Variants in PHOX2A observed in about 807,000 individuals in gnomAD.
PHOX2A encodes the protein paired mesoderm homeobox protein 2A.
In PHOX2A, 10 loss-of-function variants were observed where a neutral mutation model predicts 16.4. The ratio of observed to expected loss-of-function variants is 0.61; its 90% confidence interval spans 0.38 to 1.04. PHOX2A has a LOEUF of 1.04. Ranked by LOEUF, PHOX2A falls within the 50% of genes least tolerant of loss-of-function variation. PHOX2A has a pLI of 0.01. For missense variants in PHOX2A, 361 were observed against 419.4 expected, an observed-to-expected ratio of 0.86 and a Z score of 1.22; for synonymous variants, 219 against 203.8, an observed-to-expected ratio of 1.07 and a Z score of -0.64.
At position 72,244,033 on chromosome 11, in the gene PHOX2A, G is replaced by T. The variant is rs1406853947; in HGVS notation, c.-29C>A. On this transcript the variant is annotated 5_prime_UTR_variant, in exon 1 of 3. Transcript: ENST00000298231. ...CCCGGGGGGCGGGGGCGGGGGCCGG[G>T]CCAGGCCGGGTCGGGGTCGGGGTCC... is the stretch of plus-strand genomic sequence containing the variant. 4.8e-6 allele frequency: 5 copies of T among 1,047,956 alleles called. No homozygotes were observed. Among genetic ancestry groups the T allele is most frequent in the African/African-American group, 3.3e-5 (2 of 60,392 alleles). 64.9% of individuals were successfully genotyped at this position (1,047,956 alleles called of 1,614,324 possible).
Position 72,243,810 on chromosome 11 carries a change from G to A in PHOX2A, c.195C>T (p.His65=). ...SNCALGALRD[H]QPAPYSAVPY... ...CACCTGCCGAGTAGGGCGCGGGCTG[G>A]TGGTCGCGTAGGGCGCCAAGTGCGC... The change falls in exon 1 of 3, where the codon CAC becomes CAT. Residue 65 remains histidine (H), a synonymous_variant. Coordinates refer to ENST00000298231, the MANE Select transcript of PHOX2A (RefSeq NM_005169.4). The A allele has an allele frequency of 8.0e-7, 1 of 1,250,362 alleles. No individual in the cohort carries two copies. Among genetic ancestry groups the A allele is most frequent in the Non-Finnish European group, 1.0e-6 (1 of 996,176 alleles). The allele number at this position is 1,250,362 out of a possible 1,614,324, so 77.5% of individuals were successfully genotyped here.
chr11:72,241,426 CG>C, intron 1 of PHOX2A, 137 bp from the exon 2 acceptor site: 1 of 629,540 alleles, frequency 1.6e-6, no homozygotes, highest in South Asian at 2.0e-5. Flanking sequence ...GTCTTGGTCC[CG>C]GCAGCCTGGG....
rs758404989 is a variant in PHOX2A, at chr11:72,241,317, G to T, written c.218-28C>A. ...GCGGGTGTGTGCAGGGGGGCCGGGGGGGGGGCAAAAAGGATGGGGGAGTGA... is the reference window on the plus strand; with the variant it reads ...GCGGGTGTGTGCAGGGGGGCCGGGGTGGGGGCAAAAAGGATGGGGGAGTGA... On this transcript the variant is annotated intron_variant, in intron 1 of 2. Coordinates refer to ENST00000298231, the MANE Select transcript of PHOX2A (RefSeq NM_005169.4). 222 of 1,234,048 alleles carry T rather than the reference G, an allele frequency of 1.8e-4. 4 individuals carry two copies. The highest frequency in any genetic ancestry group is 2.4e-4 in the Non-Finnish European group (213 of 889,536). 76.4% of individuals were successfully genotyped at this position (1,234,048 alleles called of 1,614,324 possible).
At chr11:72,241,627 C>T (rs1473591248) in intron 1 of PHOX2A, among the ~76,000 whole-genome samples, 1 of 150,094 alleles carries the variant, frequency 6.7e-6, no homozygotes, top group Non-Finnish European at 1.5e-5. Flanking sequence ...CCCCCTGCAC[C>T]CCCATTCAAC....
chr11:72,243,892 AG>A lies in PHOX2A; in HGVS notation c.112del (p.Leu38CysfsTer168). On this transcript the variant is annotated frameshift_variant, in exon 1 of 3. Transcript: ENST00000298231. LOFTEE classifies it high-confidence loss of function. ...SQPGGFQYSPLRPAFPAAGPP... is the reference protein window; with the variant it reads ...SQPGGFQYSPXRPAFPAAGPP... ...CCCTGCCGCGGGGAAAGCGGGCCGC[AG>A]GGGGCTGTATTGGAAGCCGCCGGGC... 7.8e-7 allele frequency: 1 copy of A among 1,286,626 alleles called. No individual in the cohort carries two copies. The allele number at this position is 1,286,626 out of a possible 1,614,324, so 79.7% of individuals were successfully genotyped here. A position where few individuals can be genotyped will look rare whatever the true frequency, so the allele number is the denominator to read the frequency against.
chr11:72,242,040 C>G (rs1365719406), intron 1 of PHOX2A, among the ~76,000 whole-genome samples: 1 of 151,864 alleles, frequency 6.6e-6, no homozygotes, highest in African/African-American at 2.4e-5. Context: ...CTTCCTCCAT[C>G]TTCTCTTTGC....
At chr11:72,243,752 G>T in intron 1 of PHOX2A, 36 bp downstream of exon 1, 1 of 1,160,494 alleles carries the variant, frequency 8.6e-7, no homozygotes, top group Non-Finnish European at 1.1e-6. Context: ...GATTCTGCAG[G>T]AATTGGAGGG....
Position 72,241,097 on chromosome 11 carries a change from C to T in PHOX2A, c.405+5G>A. On this transcript the variant is annotated splice_donor_5th_base_variant and intron_variant, in intron 2 of 2. Coordinates refer to ENST00000298231, the MANE Select transcript of PHOX2A (RefSeq NM_005169.4). ...ACTCTCGTACACACACGTGCATACA[C>T]GCACCTGCACGCGAGCCTCAGTGAG... 6.2e-7 allele frequency: 1 copy of T among 1,613,534 alleles called. No individual in the cohort carries two copies. The highest frequency in any genetic ancestry group is 1.1e-5 in the South Asian group (1 of 91,060).
Position 72,240,008 on chromosome 11 carries a change from C to T in PHOX2A, c.596G>A (p.Gly199Asp), listed in dbSNP as rs1263202462. ...TASLPPPPAP[G>D]LASPRLSPSP... Reference sequence around the variant, plus strand: ...GGGGCTCAGGCGCGGGCTGGCCAGGCCGGGCGCAGGCGGCGGCGGCAGCGA... The same window carrying T: ...GGGGCTCAGGCGCGGGCTGGCCAGGTCGGGCGCAGGCGGCGGCGGCAGCGA... The change falls in exon 3 of 3, where the codon GGC (glycine) becomes GAC (aspartate). Residue 199 changes from glycine to aspartate, a missense_variant. Transcript: ENST00000298231. 1.4e-6 allele frequency: 2 copies of T among 1,424,294 alleles called. No homozygotes were observed. Among genetic ancestry groups the T allele is most frequent in the Admixed American group, 6.1e-5 (2 of 32,760 alleles). The allele number at this position is 1,424,294 out of a possible 1,614,324, so 88.2% of individuals were successfully genotyped here. A position where few individuals can be genotyped will look rare whatever the true frequency, so the allele number is the denominator to read the frequency against.
Position 72,244,091 on chromosome 11 carries a change from G to T in PHOX2A, c.-87C>A. ...GGTCGGAAGGGAGGTTCGAGCGCCAGGCTCCGAGGACCCGAGGCCAGCTCT... is the reference window on the plus strand; with the variant it reads ...GGTCGGAAGGGAGGTTCGAGCGCCATGCTCCGAGGACCCGAGGCCAGCTCT... On this transcript the variant is annotated 5_prime_UTR_variant, in exon 1 of 3. In the 5' UTR this introduces an upstream ATG that the reference lacks. Transcript: ENST00000298231. 2 of 610,986 alleles carry T rather than the reference G, an allele frequency of 3.3e-6. No individual in the cohort carries two copies. The highest frequency in any genetic ancestry group is 4.8e-6 in the Non-Finnish European group (2 of 419,440). The allele number at this position is 610,986 out of a possible 1,614,324, so 37.8% of individuals were successfully genotyped here.
In PHOX2A at chr11:72,239,655, T is replaced by A. The variant is rs1000090569; in HGVS notation, c.*94A>T. 8.8e-5 allele frequency: 88 copies of A among 1,005,516 alleles called. No homozygotes were observed. The Middle Eastern group carries it at 9.6e-4, about 11-fold the overall frequency. The allele number at this position is 1,005,516 out of a possible 1,614,324, so 62.3% of individuals were successfully genotyped here. A position where few individuals can be genotyped will look rare whatever the true frequency, so the allele number is the denominator to read the frequency against. Reference sequence around the variant, plus strand: ...GTAGGGAGTGGAGACGGATGGGGACTTCCAGGCGGGTGGCCAGGATGGGAG... The same window carrying A: ...GTAGGGAGTGGAGACGGATGGGGACATCCAGGCGGGTGGCCAGGATGGGAG... On this transcript the variant is annotated 3_prime_UTR_variant, in exon 3 of 3. Coordinates refer to ENST00000298231, the MANE Select transcript of PHOX2A (RefSeq NM_005169.4).
At position 72,242,391 on chromosome 11, in the gene PHOX2A, T is replaced by C. The variant is rs548040612; in HGVS notation, c.218-1102A>G. ...TTTGGTCCCCATCGCCTGATACTTA[T>C]CTCTATCTCCCCAACCCTGAGTCCC... On this transcript the variant is annotated intron_variant, in intron 1 of 2. Transcript: ENST00000298231. 7.9e-5 allele frequency among the ~76,000 whole-genome samples: 12 copies of C among 152,266 alleles called. No homozygotes were observed. In the East Asian group the frequency reaches 2.1e-3, roughly 27 times the overall value.
At chr11:72,241,322 G>GGGGGGGGC in intron 1 of PHOX2A, 33 bp from the exon 2 acceptor site, 3 of 626,600 alleles carry the variant, frequency 4.8e-6, no homozygotes, top group Non-Finnish European at 8.0e-6. Context: ...CGGGGGGGGG[G>GGGGGGGGC]CAAAAAGGAT....
At chr11:72,242,610 C>T (rs1161202171) in intron 1 of PHOX2A, among the ~76,000 whole-genome samples, 1 of 152,056 alleles carries the variant, frequency 6.6e-6, no homozygotes, top group African/African-American at 2.4e-5. Flanking sequence ...TCTCATTTCT[C>T]GTATCTCTTC....
In PHOX2A at chr11:72,241,125, C is replaced by A. The variant is rs1219714470; in HGVS notation, c.382G>T (p.Asp128Tyr). The stretch of plus-strand genomic sequence containing the variant: ...ACCTGCACGCGAGCCTCAGTGAGGT[C>A]GATCTTGAGCGCCAGCTCCTCACGC... ...YTREELALKI[D>Y]LTEARVQVWF... The change falls in exon 2 of 3, where the codon GAC becomes TAC. Residue 128 changes from aspartate (D) to tyrosine (Y), a missense_variant. Around this residue, in one of 3 missense-constraint regions of PHOX2A, gnomAD observed 235 missense variants for 263.8 expected, o/e 0.89. Coordinates refer to ENST00000298231, the MANE Select transcript of PHOX2A (RefSeq NM_005169.4). The A allele has an allele frequency of 6.2e-7, 1 of 1,614,022 alleles. No homozygotes were observed. Among genetic ancestry groups the A allele is most frequent in the South Asian group, 1.1e-5 (1 of 91,068 alleles).
chr11:72,239,401 AG>A lies in PHOX2A; in HGVS notation c.*347del. ...GACCCAGCCGCTGCAGAGCCAGGGA[AG>A]GGGGCTGTGCCGATCCTCCTTGAGG... On this transcript the variant is annotated 3_prime_UTR_variant, in exon 3 of 3. Coordinates refer to ENST00000298231, the MANE Select transcript of PHOX2A (RefSeq NM_005169.4). 5.2e-6 allele frequency: 1 copy of A among 191,014 alleles called. No individual in the cohort carries two copies. The highest frequency in any genetic ancestry group is 1.1e-5 in the Non-Finnish European group (1 of 93,764). 11.8% of individuals were successfully genotyped at this position (191,014 alleles called of 1,614,324 possible). A position where few individuals can be genotyped will look rare whatever the true frequency, so the allele number is the denominator to read the frequency against.
At chr11:72,242,660 TCTTC>T (rs141537121) in intron 1 of PHOX2A, among the ~76,000 whole-genome samples, 6 of 148,494 alleles carry the variant, frequency 4.0e-5, no homozygotes, top group African/African-American at 1.6e-4. Context: ...TTCTTCTTCT[TCTTC>T]TTTTTTTTTT....
chr11:72,240,634 C>A (rs879370889), intron 2 of PHOX2A, among the ~76,000 whole-genome samples: 1 of 152,230 alleles, frequency 6.6e-6, no homozygotes, highest in Admixed American at 6.5e-5. Context: ...CATCTGTACA[C>A]GGAGTTGTAC....
chr11:72,242,149 C>G (rs1283406911), intron 1 of PHOX2A, among the ~76,000 whole-genome samples: 1 of 152,012 alleles, frequency 6.6e-6, no homozygotes, highest in Non-Finnish European at 1.5e-5. Context: ...ACACTGCCCC[C>G]CAACTCTCTT....
Sources: gnomAD v4.1 joint callset for allele counts (sites outside exome capture counted in the v4.1 genomes callset) on GRCh38, gnomAD v4.1.1 for gene constraint, gnomAD v4.1.1 regional missense constraint, MANE v1.5 for transcripts, NCBI Gene and HGNC (gene_info 2026-07-23, HGNC 2026-07-21) for gene names.